The following GRID1 variants were observed in gnomAD, a reference collection of about 807,000 sequenced individuals.
The protein encoded by GRID1 is glutamate ionotropic receptor delta type subunit 1, also known as glutamate receptor ionotropic, delta-1.
Under a neutral mutation model 98.0 loss-of-function variants are expected in GRID1, and 28 were observed. That is an observed-to-expected ratio of 0.29 (90% CI 0.21 to 0.39). GRID1 has a LOEUF of 0.39. Among genes scored for constraint, GRID1 ranks in the 10% least tolerant of loss-of-function variants. The pLI, the probability that GRID1 is intolerant of heterozygous loss-of-function variation, is 1.00. For synonymous variants in GRID1, 553 were observed against 538.5 expected (o/e 1.03, Z -0.37); for missense variants, 1,111 against 1,340.5 (o/e 0.83, Z 2.67).
intron 8 of GRID1, among the ~76,000 whole-genome samples, chr10:85,820,022 G>C (rs1437596264): frequency 1.7e-5 from 2 of 116,420 alleles, no homozygotes; most frequent in East Asian, 6.3e-4. Flanking sequence ...AGGAAGGAAG[G>C]AAGGAAGGCA....
intron 8 of GRID1, among the ~76,000 whole-genome samples, chr10:85,752,344 T>C (rs1009282378): frequency 6.6e-6 from 1 of 152,184 alleles, no homozygotes; most frequent in Non-Finnish European, 1.5e-5. Context: ...GGTGACCTCA[T>C]GCCAAGGTCA....
chr10:85,749,984 T>A (rs1354967733), intron 8 of GRID1, among the ~76,000 whole-genome samples: 1 of 152,214 alleles, frequency 6.6e-6, no homozygotes, highest in East Asian at 1.9e-4. Flanking sequence ...ATAGATTTCT[T>A]GTCTATCTCC....
intron 12 of GRID1, among the ~76,000 whole-genome samples, chr10:85,704,320 T>C (rs188622690): frequency 2.0e-5 from 3 of 152,262 alleles, no homozygotes; most frequent in East Asian, 3.9e-4. Flanking sequence ...GTTGCAATCC[T>C]AGTCTCTGAT....
chr10:85,726,619 A>G (rs548151923), intron 10 of GRID1, among the ~76,000 whole-genome samples: 1 of 152,272 alleles, frequency 6.6e-6, no homozygotes, highest in South Asian at 2.1e-4. Context: ...AGCTGCAGAG[A>G]AGGATGGGCC....
intron 2 of GRID1, among the ~76,000 whole-genome samples, chr10:86,257,869 T>C (rs1190947472): frequency 1.3e-5 from 2 of 152,128 alleles, no homozygotes; most frequent in African/African-American, 4.8e-5. Flanking sequence ...AGGGGAGCAA[T>C]GCCAAGGAGG....
intron 4 of GRID1, among the ~76,000 whole-genome samples, chr10:85,968,375 C>T (rs1183435681): frequency 1.4e-5 from 2 of 144,752 alleles, no homozygotes; most frequent in African/African-American, 2.6e-5. Flanking sequence ...GGCATGAACC[C>T]GGGAGGCGGA....
chr10:86,308,277 C>T (rs966065695), intron 2 of GRID1, among the ~76,000 whole-genome samples: 1 of 152,192 alleles, frequency 6.6e-6, no homozygotes, highest in African/African-American at 2.4e-5. Flanking sequence ...CAGCTGGGTC[C>T]GTCTACCTCC....
At chr10:86,012,590 C>T (rs1251360607) in intron 4 of GRID1, among the ~76,000 whole-genome samples, 1 of 152,022 alleles carries the variant, frequency 6.6e-6, no homozygotes, top group African/African-American at 2.4e-5. Context: ...TGTTTGTGTC[C>T]CCCCCAAAAT....
intron 12 of GRID1, among the ~76,000 whole-genome samples, chr10:85,722,128 A>G (rs772663711): frequency 6.6e-6 from 1 of 152,192 alleles, no homozygotes; most frequent in Non-Finnish European, 1.5e-5. Flanking sequence ...TCTTTTCAAT[A>G]GCTAGTTGAG....
intron 5 of GRID1, among the ~76,000 whole-genome samples, chr10:85,899,470 T>G (rs1208131823): frequency 6.6e-6 from 1 of 152,236 alleles, no homozygotes; most frequent in African/African-American, 2.4e-5. Context: ...TTTCTATGAT[T>G]GATCTTGTTA....
intron 4 of GRID1, among the ~76,000 whole-genome samples, chr10:85,976,180 TTG>T (rs1842470206): frequency 6.6e-6 from 1 of 152,248 alleles, no homozygotes; most frequent in Admixed American, 6.5e-5. Flanking sequence ...AATTTGATTA[TTG>T]TTTTTTTTGT....
intron 4 of GRID1, among the ~76,000 whole-genome samples, chr10:86,053,390 C>T (rs1589353144): frequency 6.6e-6 from 1 of 151,788 alleles, no homozygotes; most frequent in East Asian, 1.9e-4. Flanking sequence ...TGGAGTCTCC[C>T]TCTGTCACCC....
At chr10:86,286,172 T>C (rs1847428367) in intron 2 of GRID1, among the ~76,000 whole-genome samples, 1 of 152,058 alleles carries the variant, frequency 6.6e-6, no homozygotes, top group Admixed American at 6.5e-5. Context: ...GGCATAGATA[T>C]AGGTGCATAG....
Position 86,366,688 on chromosome 10 carries a change from C to A in GRID1, c.-296G>T, listed in dbSNP as rs1408805119. 1.3e-5 allele frequency among the ~76,000 whole-genome samples: 2 copies of A among 149,434 alleles called. No homozygotes were observed. Among genetic ancestry groups the A allele is most frequent in the Non-Finnish European group, 3.0e-5 (2 of 66,646 alleles). On this transcript the variant is annotated 5_prime_UTR_variant, in exon 1 of 16. Coordinates refer to ENST00000327946, the MANE Select transcript of GRID1 (RefSeq NM_017551.3). This position sits in a 1 kb window ranked among gnomAD's most constrained non-coding sequence, Gnocchi z 4.1. ...CCCGCGGCTGTGGCAGCGGCGCTTC[C>A]CGCGGCTAGAGCGGCTTCGGGGGAG...
At chr10:86,299,484 TCGC>T (rs1564732649) in intron 2 of GRID1, among the ~76,000 whole-genome samples, 4 of 146,770 alleles carry the variant, frequency 2.7e-5, no homozygotes, top group Admixed American at 1.4e-4. Context: ...CCCTCCCCCC[TCGC>T]CCCCCTCCCC....
chr10:85,651,259 A>G (rs983066538), intron 12 of GRID1, among the ~76,000 whole-genome samples: 4 of 152,230 alleles, frequency 2.6e-5, no homozygotes, highest in African/African-American at 9.7e-5. Context: ...CTTCTAGTAG[A>G]CTGCTTATCA....
At chr10:86,119,190 C>T (rs1286715151) in intron 4 of GRID1, among the ~76,000 whole-genome samples, 2 of 152,000 alleles carry the variant, frequency 1.3e-5, no homozygotes, top group African/African-American at 2.4e-5. Flanking sequence ...CAAAAATTAT[C>T]CGGGCATGGT....
chr10:86,255,015 C>T lies in GRID1; in HGVS notation c.236-48367G>A, dbSNP rs112853191. ...CTCCAGCCTGAGCCTGGCCTCCACA[C>T]CCCCAAGACCAGGCCTGCCCTTGGT... is the stretch of plus-strand genomic sequence containing the variant. On this transcript the variant is annotated intron_variant, in intron 2 of 15. Coordinates refer to ENST00000327946, the MANE Select transcript of GRID1 (RefSeq NM_017551.3). 2.0e-3 allele frequency among the ~76,000 whole-genome samples: 308 copies of T among 152,248 alleles called. 2 individuals are homozygous for T. Among genetic ancestry groups the T allele is most frequent in the African/African-American group, 6.9e-3 (287 of 41,532 alleles).
At chr10:85,866,424 C>G (rs1474585244) in intron 6 of GRID1, among the ~76,000 whole-genome samples, 1 of 148,362 alleles carries the variant, frequency 6.7e-6, no homozygotes, top group Non-Finnish European at 1.5e-5. Context: ...ATGCTTAGGA[C>G]AAGAAGTGTT....
Sources: allele counts gnomAD v4.1 joint callset (sites outside exome capture counted in the v4.1 genomes callset), GRCh38; gene constraint gnomAD v4.1.1; non-coding constraint Gnocchi (gnomAD v3.1); transcripts MANE v1.5; gene names NCBI Gene and HGNC (gene_info 2026-07-23, HGNC 2026-07-21).